CSGALNACT1: variants seen among roughly 807,000 people sequenced by gnomAD.
CSGALNACT1 encodes beta4GalNAcT-1.
In CSGALNACT1, 52 loss-of-function variants were observed where a neutral mutation model predicts 51.0. The observed-to-expected ratio is 1.02, with a 90% CI of 0.82 to 1.29. The LOEUF (loss-of-function observed/expected upper bound fraction) is 1.29. CSGALNACT1 is among the 50% of genes most tolerant of loss of function. The pLI, the probability that CSGALNACT1 is intolerant of heterozygous loss-of-function variation, is 0.00. For synonymous variants in CSGALNACT1, 341 were observed against 254.4 expected (o/e 1.34, Z -3.24); for missense variants, 935 against 679.2 (o/e 1.38, Z -4.19).
chr8:19,614,357 C>T (rs545117604), intron 1 of CSGALNACT1, among the ~76,000 whole-genome samples: 97 of 152,232 alleles, frequency 6.4e-4, no homozygotes, highest in African/African-American at 2.2e-3. Flanking sequence ...TTTGTGGATT[C>T]GCCATTATAC....
At chr8:19,543,493 G>GC (rs1363500146) in intron 3 of CSGALNACT1, among the ~76,000 whole-genome samples, 1 of 152,172 alleles carries the variant, frequency 6.6e-6, no homozygotes. Context: ...TTTACAGTGA[G>GC]CCCCTACTTT....
intron 1 of CSGALNACT1, among the ~76,000 whole-genome samples, chr8:19,644,112 T>C (rs1027587496): frequency 6.6e-6 from 1 of 152,226 alleles, no homozygotes; most frequent in African/African-American, 2.4e-5. Context: ...ATTATGTTTA[T>C]GAGTTTTTAA....
chr8:19,444,577 C>T (rs776872845), intron 5 of CSGALNACT1, among the ~76,000 whole-genome samples: 5 of 151,996 alleles, frequency 3.3e-5, no homozygotes, highest in Non-Finnish European at 7.4e-5. Flanking sequence ...GGCTACTTAC[C>T]CTAACCCCCA....
intron 3 of CSGALNACT1, among the ~76,000 whole-genome samples, chr8:19,514,200 G>A (rs1012691030): frequency 1.5e-4 from 23 of 151,906 alleles, no homozygotes; most frequent in Non-Finnish European, 2.2e-4. Context: ...GTCCCACTGG[G>A]GAGTCAACAA....
chr8:19,405,749 A>T (rs749311926), exon 10 of CSGALNACT1: 9 of 1,613,816 alleles, frequency 5.6e-6, no homozygotes, highest in African/African-American at 1.3e-5. Flanking sequence ...AAGGAAAGAA[A>T]AAGTGTCTCC....
chr8:19,715,372 A>G (rs1350754887), intron 1 of CSGALNACT1, among the ~76,000 whole-genome samples: 2 of 152,242 alleles, frequency 1.3e-5, no homozygotes, highest in Non-Finnish European at 2.9e-5. Flanking sequence ...AAGTGAGAAC[A>G]TATGGGATTT....
intron 1 of CSGALNACT1, among the ~76,000 whole-genome samples, chr8:19,617,959 A>G (rs780764188): frequency 7.9e-5 from 12 of 151,850 alleles, no homozygotes; most frequent in Non-Finnish European, 1.6e-4. Flanking sequence ...AGTTCACTGC[A>G]CCCTCAAACT....
At chr8:19,683,594 A>G (rs922592536), upstream of CSGALNACT1, among the ~76,000 whole-genome samples, 3 of 152,198 alleles carry the variant, frequency 2.0e-5, no homozygotes, top group Non-Finnish European at 2.9e-5. Flanking sequence ...AATTTGCCAA[A>G]AACACACAAA....
rs533989956 is a variant in CSGALNACT1 at position 19,548,699 on chromosome 8, A to G, written c.-297+42461T>C. On this transcript the variant is annotated intron_variant, in intron 3 of 9. Transcript: ENST00000454498. Reference sequence around the variant, plus strand: ...GGTACTATAAGACTGACAATTAAAAATAGCAGCCTTTTGCCCTCTCCAACT... The same window carrying G: ...GGTACTATAAGACTGACAATTAAAAGTAGCAGCCTTTTGCCCTCTCCAACT... Among the ~76,000 whole-genome samples the G allele has an allele frequency of 2.0e-5, 3 of 152,370 alleles. No individual in the cohort carries two copies. The East Asian group carries it at 5.8e-4, about 29-fold the overall frequency.
chr8:19,732,992 T>C (rs971676118), intron 1 of CSGALNACT1, among the ~76,000 whole-genome samples: 1 of 152,150 alleles, frequency 6.6e-6, no homozygotes, highest in Admixed American at 6.5e-5. Flanking sequence ...AAAAATGGAG[T>C]ACTTATAATT....
chr8:19,591,759 C>CAAA (rs111962164), intron 2 of CSGALNACT1, among the ~76,000 whole-genome samples: 3 of 144,174 alleles, frequency 2.1e-5, no homozygotes, highest in African/African-American at 7.7e-5. Flanking sequence ...TTCCTCTCCA[C>CAAA]AAAAAAAAAT....
At chr8:19,494,376 C>T (rs896013761) in intron 4 of CSGALNACT1, among the ~76,000 whole-genome samples, 7 of 152,276 alleles carry the variant, frequency 4.6e-5, no homozygotes, top group East Asian at 1.9e-4. Flanking sequence ...AGTAGCCTTC[C>T]CTGTGATGCC....
intron 4 of CSGALNACT1, among the ~76,000 whole-genome samples, chr8:19,491,528 A>G (rs1265996974): frequency 1.3e-5 from 2 of 152,254 alleles, no homozygotes; most frequent in African/African-American, 2.4e-5. Flanking sequence ...TCATTTATAA[A>G]ATTGTGAAAA....
intron 4 of CSGALNACT1, among the ~76,000 whole-genome samples, chr8:19,469,349 C>A (rs948280766): frequency 1.3e-5 from 2 of 152,078 alleles, no homozygotes; most frequent in African/African-American, 4.8e-5. Context: ...TGTGTGTGCA[C>A]CACTGCACTG....
chr8:19,599,381 C>T (rs112973262), intron 2 of CSGALNACT1, among the ~76,000 whole-genome samples: 2 of 149,036 alleles, frequency 1.3e-5, no homozygotes, highest in African/African-American at 5.0e-5. Context: ...CCTGTAATCC[C>T]AGCACTTTGG....
intron 3 of CSGALNACT1, among the ~76,000 whole-genome samples, chr8:19,567,599 C>A (rs1234572789): frequency 6.6e-6 from 1 of 152,160 alleles, no homozygotes; most frequent in East Asian, 1.9e-4. Flanking sequence ...CATCACTTTT[C>A]TTAAACTCTG....
chr8:19,697,506 C>T (rs1459276224), intron 1 of CSGALNACT1, among the ~76,000 whole-genome samples: 1 of 152,108 alleles, frequency 6.6e-6, no homozygotes, highest in Non-Finnish European at 1.5e-5. Context: ...GATGACTGGG[C>T]ACCAAATCTC....
intron 8 of CSGALNACT1, among the ~76,000 whole-genome samples, chr8:19,417,653 A>C (rs996527195): frequency 1.3e-5 from 2 of 152,118 alleles, no homozygotes; most frequent in East Asian, 1.9e-4. Flanking sequence ...AGAAGCATGG[A>C]TTTTCTTTAG....
intron 8 of CSGALNACT1, among the ~76,000 whole-genome samples, chr8:19,417,971 A>T (rs891175948): frequency 6.6e-6 from 1 of 152,186 alleles, no homozygotes; most frequent in African/African-American, 2.4e-5. Flanking sequence ...CTGTGACAAC[A>T]GAGACATCTC....
Sources: gnomAD v4.1 joint callset for allele counts (sites outside exome capture counted in the v4.1 genomes callset) on GRCh38, gnomAD v4.1.1 for gene constraint, MANE v1.5 for transcripts, NCBI Gene and HGNC (gene_info 2026-07-23, HGNC 2026-07-21) for gene names.